The following TRAPPC10 variants were observed in gnomAD, a reference collection of about 807,000 sequenced individuals.
TRAPPC10 encodes the protein trafficking protein particle complex subunit 10.
In TRAPPC10, 23 loss-of-function variants were observed where a neutral mutation model predicts 125.5. The ratio of observed to expected loss-of-function variants is 0.18; its 90% CI spans 0.13 to 0.26. TRAPPC10 has a LOEUF of 0.26. Ranked by LOEUF, TRAPPC10 falls within the 10% of genes least tolerant of loss-of-function variation. The pLI is 1.00. For missense variants in TRAPPC10, 1,123 were observed against 1,308.4 expected (o/e 0.86, Z 2.19); for synonymous variants, 509 against 518.0 (o/e 0.98, Z 0.24).
intron 17 of TRAPPC10, chr21:44,089,584 A>T: frequency 1.8e-6 from 1 of 542,558 alleles, no homozygotes; most frequent in South Asian, 1.5e-5. Flanking sequence ...CGTTGAGGTG[A>T]CTCTGGTGAT....
chr21:44,086,616 G>A (rs1435593573), intron 15 of TRAPPC10, among the ~76,000 whole-genome samples, 186 bp from the exon 16 acceptor site: 4 of 152,168 alleles, frequency 2.6e-5, no homozygotes, highest in African/African-American at 9.7e-5. Flanking sequence ...CTTCAACCCT[G>A]TAGTCCACAT....
intron 1 of TRAPPC10, among the ~76,000 whole-genome samples, chr21:44,022,153 A>C (rs896220469): frequency 6.6e-6 from 1 of 150,560 alleles, no homozygotes; most frequent in Non-Finnish European, 1.5e-5. Context: ...TTGTTGCCCA[A>C]GCTGGAGTGC....
chr21:44,062,281 C>T (rs889783734), intron 6 of TRAPPC10, among the ~76,000 whole-genome samples: 3 of 152,210 alleles, frequency 2.0e-5, no homozygotes, highest in African/African-American at 7.2e-5. Flanking sequence ...ATGTGCCAGG[C>T]ACTGTTCTAA....
intron 1 of TRAPPC10, among the ~76,000 whole-genome samples, chr21:44,013,295 T>C (rs1234184567): frequency 6.6e-6 from 1 of 152,212 alleles, no homozygotes; most frequent in Non-Finnish European, 1.5e-5. Flanking sequence ...CCCTAAATTT[T>C]AGAAGTGTGA....
chr21:44,087,859 G>A lies in TRAPPC10; in HGVS notation c.2700G>A (p.Met900Ile). 6.2e-7 allele frequency: 1 copy of A among 1,614,194 alleles called. No homozygotes were observed. Among genetic ancestry groups the A allele is most frequent in the Non-Finnish European group, 8.5e-7 (1 of 1,180,026 alleles). ...GAGGGGAGAGTGACATGCTGGGGATGGCAGAGCCCCACAGGAAGCATAAGG... is the reference window on the plus strand; with the variant it reads ...GAGGGGAGAGTGACATGCTGGGGATAGCAGAGCCCCACAGGAAGCATAAGG... Reference protein sequence around the residue: ...ALGGESDMLGMAEPHRKHKDK... With the variant: ...ALGGESDMLGIAEPHRKHKDK... The change falls in exon 17 of 23, where the codon ATG (methionine) becomes ATA (isoleucine). Residue 900 changes from methionine to isoleucine, a missense_variant. Met to Ile is a conservative substitution (Grantham distance 10, BLOSUM62 1). Around this residue, in one of 4 missense-constraint regions of TRAPPC10, gnomAD observed 840 missense variants for 902.0 expected, o/e 0.93. Coordinates refer to ENST00000291574, the MANE Select transcript of TRAPPC10 (RefSeq NM_003274.5). This position sits in a 1 kb window ranked among gnomAD's most constrained non-coding sequence, Gnocchi z 4.6.
Position 44,087,860 on chromosome 21 carries a change from G to A in TRAPPC10, c.2701G>A (p.Ala901Thr), listed in dbSNP as rs928101795. Residue 901 changes from alanine (A) to threonine (T), a missense_variant, in exon 17 of 23, where the codon GCA (alanine) becomes ACA (threonine). Physicochemically the swap from Ala to Thr is moderately conservative, Grantham distance 58 (BLOSUM62 0). Around this residue, in one of 4 missense-constraint regions of TRAPPC10, gnomAD observed 840 missense variants for 902.0 expected, o/e 0.93. Transcript: ENST00000291574. This position sits in a 1 kb window ranked among gnomAD's most constrained non-coding sequence, Gnocchi z 4.6. ...AGGGGAGAGTGACATGCTGGGGATGGCAGAGCCCCACAGGAAGCATAAGGA... is the reference window on the plus strand; with the variant it reads ...AGGGGAGAGTGACATGCTGGGGATGACAGAGCCCCACAGGAAGCATAAGGA... ...LGGESDMLGM[A>T]EPHRKHKDKQ... 3.1e-6 allele frequency: 5 copies of A among 1,614,066 alleles called. No homozygotes were observed. In the African/African-American group the frequency reaches 5.3e-5, roughly 17 times the overall value.
At chr21:44,057,407 C>T (rs940035677) in intron 5 of TRAPPC10, among the ~76,000 whole-genome samples, 29 of 152,014 alleles carry the variant, frequency 1.9e-4, no homozygotes, top group African/African-American at 2.4e-5. Flanking sequence ...TTAAGCGATT[C>T]TCCTGCCTCA....
chr21:44,095,229 TTTTA>T lies in TRAPPC10; in HGVS notation c.3168+1024_3168+1027del, dbSNP rs200168527. Among the ~76,000 whole-genome samples the T allele has an allele frequency of 8.2e-3, 1,223 of 149,984 alleles. 13 individuals carry two copies. Among genetic ancestry groups the T allele is most frequent in the African/African-American group, 9.0e-3 (369 of 40,866 alleles). On this transcript the variant is annotated intron_variant, in intron 20 of 22. Coordinates refer to ENST00000291574, the MANE Select transcript of TRAPPC10 (RefSeq NM_003274.5). ...CACCTGGCTAATTATTTTTATTTTA[TTTTA>T]TTTATTTATTTATTTATTTATTTAT... is the stretch of plus-strand genomic sequence containing the variant.
In TRAPPC10 at chr21:44,055,706, T is replaced by C; in HGVS notation, c.491T>C (p.Val164Ala). 1 of 1,604,270 alleles carries C rather than the reference T, an allele frequency of 6.2e-7. No homozygotes were observed. The highest frequency in any genetic ancestry group is 2.2e-5 in the East Asian group (1 of 44,590). ...FCNKQSDRCV[V>A]LSDPLKDSSR... ...TGTTCATGTCTTTGCAGGTGTGTTGTGCTCTCCGACCCCTTGAAGGACTCT... is the reference window on the plus strand; with the variant it reads ...TGTTCATGTCTTTGCAGGTGTGTTGCGCTCTCCGACCCCTTGAAGGACTCT... The change falls in exon 5 of 23, where the codon GTG (valine) becomes GCG (alanine). Residue 164 changes from valine to alanine, a missense_variant. This residue lies in a region of TRAPPC10 where 177 missense variants were observed against 228.9 expected (regional missense o/e 0.77). Coordinates refer to ENST00000291574, the MANE Select transcript of TRAPPC10 (RefSeq NM_003274.5).
At chr21:44,036,958 T>A (rs1378501946) in intron 2 of TRAPPC10, among the ~76,000 whole-genome samples, 2 of 152,248 alleles carry the variant, frequency 1.3e-5, no homozygotes, top group Non-Finnish European at 1.5e-5. Context: ...GAAAACTTGA[T>A]TAATCTCCCA....
intron 4 of TRAPPC10, among the ~76,000 whole-genome samples, chr21:44,054,847 G>A (rs74371581): frequency 0.016 from 2,457 of 152,314 alleles, 68 homozygotes; most frequent in African/African-American, 0.055. Flanking sequence ...CAGCCTAGCA[G>A]CAGTGTGGGC....
chr21:44,057,872 A>G (rs976006771), intron 5 of TRAPPC10, among the ~76,000 whole-genome samples: 4 of 152,312 alleles, frequency 2.6e-5, no homozygotes, highest in East Asian at 1.9e-4. Context: ...ATGGGGTGGA[A>G]CTGGATTCCA....
chr21:44,080,377 A>G (rs2037604290), intron 13 of TRAPPC10, among the ~76,000 whole-genome samples: 1 of 152,200 alleles, frequency 6.6e-6, no homozygotes, highest in African/African-American at 2.4e-5. Flanking sequence ...AGGTTCTAAT[A>G]TCATCTGCTA....
chr21:44,040,392 G>T (rs1267817231), intron 3 of TRAPPC10, among the ~76,000 whole-genome samples: 1 of 151,912 alleles, frequency 6.6e-6, no homozygotes, highest in Non-Finnish European at 1.5e-5. Context: ...ACTCAGGCCA[G>T]AGTGCAGTGG....
intron 1 of TRAPPC10, among the ~76,000 whole-genome samples, chr21:44,031,769 G>T (rs2033600075): frequency 6.6e-6 from 1 of 152,222 alleles, no homozygotes. Flanking sequence ...ACACAGCAAA[G>T]CTGGGTGAGG....
chr21:44,092,833 G>A (rs2038679935), intron 19 of TRAPPC10, among the ~76,000 whole-genome samples: 1 of 151,950 alleles, frequency 6.6e-6, no homozygotes, highest in South Asian at 2.1e-4. Flanking sequence ...TTTCGTTCTT[G>A]TCGCCCAGGC....
chr21:44,051,092 T>C (rs1474278968), intron 3 of TRAPPC10, among the ~76,000 whole-genome samples: 1 of 152,158 alleles, frequency 6.6e-6, no homozygotes, highest in African/African-American at 2.4e-5. Flanking sequence ...TTAGTAGAGA[T>C]GGGGTTTCAC....
chr21:44,049,370 A>G (rs991209862), intron 3 of TRAPPC10, among the ~76,000 whole-genome samples: 10 of 152,124 alleles, frequency 6.6e-5, no homozygotes, highest in Non-Finnish European at 1.2e-4. Context: ...TGATGGGAGT[A>G]ATCCCTCTGT....
chr21:44,047,107 C>G, intron 3 of TRAPPC10: 1 of 607,772 alleles, frequency 1.6e-6, no homozygotes, highest in South Asian at 1.6e-5. Context: ...ATGGCGAGAT[C>G]CCACCACCTA....
Sources: allele counts gnomAD v4.1 joint callset (sites outside exome capture counted in the v4.1 genomes callset), GRCh38; gene constraint gnomAD v4.1.1; regional missense constraint gnomAD v4.1.1; non-coding constraint Gnocchi (gnomAD v3.1); transcripts MANE v1.5; gene names NCBI Gene and HGNC (gene_info 2026-07-23, HGNC 2026-07-21).